The following MAP4K5 variants were observed in gnomAD, a reference collection of about 807,000 sequenced individuals.
MAP4K5 encodes the protein mitogen-activated protein kinase kinase kinase kinase 5, also known as MAPK/ERK kinase kinase kinase 5.
MAP4K5 carries 82 observed loss-of-function variants against 135.6 expected under a neutral mutation model. The ratio of observed to expected loss-of-function variants is 0.60; its 90% CI spans 0.51 to 0.73. The LOEUF (loss-of-function observed/expected upper bound fraction) is 0.73. MAP4K5 is among the 30% of genes least tolerant of loss of function. The pLI is 0.00. For synonymous variants in MAP4K5, 347 were observed against 335.0 expected, an observed-to-expected ratio of 1.04 and a Z score of -0.39; for missense variants, 907 against 1,010.9, an observed-to-expected ratio of 0.90 and a Z score of 1.39.
intron 14 of MAP4K5, chr14:50,449,173 C>T (rs367906145): frequency 1.6e-5 from 3 of 188,320 alleles, no homozygotes; most frequent in East Asian, 1.4e-4. Flanking sequence ...TGTTTTGAGA[C>T]GGTTTAAGCT....
At chr14:50,450,435 C>G (rs2036458163) in intron 14 of MAP4K5, 2 of 152,064 alleles carry the variant, frequency 1.3e-5, no homozygotes, top group Non-Finnish European at 2.9e-5. Context: ...CATATTTACC[C>G]TGACTTTCTG....
In MAP4K5 at chr14:50,460,988, T is replaced by C. The variant is rs141691680; in HGVS notation, c.936+1677A>G. Reference sequence around the variant, plus strand: ...AAATTATTTGGCCTAATACTTGGCATACATTGAGTACCCAATGAGTGCTAG... The same window carrying C: ...AAATTATTTGGCCTAATACTTGGCACACATTGAGTACCCAATGAGTGCTAG... On this transcript the variant is annotated intron_variant, in intron 13 of 32. Coordinates refer to ENST00000682126, the MANE Select transcript of MAP4K5 (RefSeq NM_006575.6). Among the ~76,000 whole-genome samples the C allele has an allele frequency of 1.2e-4, 19 of 152,326 alleles. 1 individual carries two copies. Among genetic ancestry groups the C allele is most frequent in the African/African-American group, 3.8e-4 (16 of 41,590 alleles).
intron 3 of MAP4K5, among the ~76,000 whole-genome samples, chr14:50,487,392 T>C (rs1224520507): frequency 6.6e-6 from 1 of 152,244 alleles, no homozygotes; most frequent in East Asian, 1.9e-4. Flanking sequence ...GGAACTTTTT[T>C]TAACAGTCAA....
intron 1 of MAP4K5, among the ~76,000 whole-genome samples, chr14:50,553,462 C>A (rs1268844137): frequency 6.6e-6 from 1 of 151,904 alleles, no homozygotes; most frequent in East Asian, 1.9e-4. Flanking sequence ...TAGATGTTGG[C>A]ATGGATGTGG....
chr14:50,484,671 C>T (rs1363102143), intron 5 of MAP4K5, among the ~76,000 whole-genome samples: 1 of 152,086 alleles, frequency 6.6e-6, no homozygotes, highest in African/African-American at 2.4e-5. Context: ...GCACAGTATT[C>T]CATATTACAG....
At chr14:50,445,706 A>C (rs2036332100) in intron 17 of MAP4K5, among the ~76,000 whole-genome samples, 1 of 152,112 alleles carries the variant, frequency 6.6e-6, no homozygotes, top group African/African-American at 2.4e-5. Context: ...AGTAGCTGGG[A>C]TTACAAGCAT....
At chr14:50,475,292 C>T in intron 8 of MAP4K5, 143 bp from the exon 9 acceptor site, 1 of 633,242 alleles carries the variant, frequency 1.6e-6, no homozygotes, top group East Asian at 2.8e-5. Context: ...TAAATCTCTT[C>T]TTGCTTAGTT....
chr14:50,512,221 A>G (rs2037945202), intron 2 of MAP4K5, among the ~76,000 whole-genome samples: 1 of 152,172 alleles, frequency 6.6e-6, no homozygotes, highest in Non-Finnish European at 1.5e-5. Flanking sequence ...AAAATTGTCT[A>G]TTAATTTAAA....
intron 3 of MAP4K5, 23 bp downstream of exon 3, chr14:50,504,777 G>T: frequency 1.3e-6 from 2 of 1,502,402 alleles, no homozygotes; most frequent in Non-Finnish European, 1.8e-6. Flanking sequence ...CTCAAAAATT[G>T]TCTTGAGGGT....
At chr14:50,498,747 A>C (rs1182214026) in intron 3 of MAP4K5, among the ~76,000 whole-genome samples, 2 of 152,206 alleles carry the variant, frequency 1.3e-5, no homozygotes. Flanking sequence ...CATTTACTTA[A>C]AAAAATTTTT....
rs892687342 is a variant in MAP4K5 at position 50,523,671 on chromosome 14, T to C, written c.108+8271A>G. 2.0e-5 allele frequency among the ~76,000 whole-genome samples: 3 copies of C among 152,114 alleles called. No homozygotes were observed. In the East Asian group the frequency reaches 5.8e-4, roughly 29 times the overall value. On this transcript the variant is annotated intron_variant, in intron 2 of 32. Transcript: ENST00000682126. The stretch of plus-strand genomic sequence containing the variant: ...CCTTTTCTTCTTTCTATACCTTTAA[T>C]CTCCTTGTAACGTATTATACAATGT...
intron 6 of MAP4K5, among the ~76,000 whole-genome samples, chr14:50,480,010 T>C (rs763955029): frequency 2.0e-5 from 3 of 151,318 alleles, no homozygotes. Context: ...TTTCATATAT[T>C]TTGCCTACTT....
At chr14:50,462,564 CTAAGT>C (rs202076633) in intron 13 of MAP4K5, 96 bp downstream of exon 13, 14,908 of 757,018 alleles carry the variant, frequency 0.02, 186 homozygotes, top group Middle Eastern at 0.032. Context: ...CCTGTTTTAA[CTAAGT>C]TAAAAGATAG....
At chr14:50,469,582 G>A (rs927536287) in intron 9 of MAP4K5, among the ~76,000 whole-genome samples, 11 of 152,162 alleles carry the variant, frequency 7.2e-5, no homozygotes, top group African/African-American at 1.4e-4. Context: ...AAATCAGTCA[G>A]GCAGATATGT....
intron 30 of MAP4K5, among the ~76,000 whole-genome samples, chr14:50,427,104 CAGG>C (rs1329808761): frequency 4.0e-5 from 6 of 151,730 alleles, no homozygotes; most frequent in Non-Finnish European, 8.8e-5. Flanking sequence ...TTTTTTTCCC[CAGG>C]AGGATTCCTG....
chr14:50,502,727 G>T (rs1555357791), intron 3 of MAP4K5, among the ~76,000 whole-genome samples: 1 of 151,936 alleles, frequency 6.6e-6, no homozygotes, highest in Non-Finnish European at 1.5e-5. Context: ...GTTGAAGTAG[G>T]AATAGAAAAA....
intron 2 of MAP4K5, among the ~76,000 whole-genome samples, chr14:50,521,427 A>G (rs1047333936): frequency 6.6e-6 from 1 of 152,220 alleles, no homozygotes; most frequent in African/African-American, 2.4e-5. Context: ...TGGAAAGAGC[A>G]GAGACTGGAA....
upstream of MAP4K5, chr14:50,533,388 C>CTCTT (rs2038447573): frequency 2.0e-5 from 3 of 151,764 alleles, no homozygotes; most frequent in Non-Finnish European, 4.4e-5. Flanking sequence ...GCATCTGACA[C>CTCTT]CCAGGAAAGT....
At chr14:50,456,295 A>G (rs1296745226) in intron 14 of MAP4K5, 7 of 497,848 alleles carry the variant, frequency 1.4e-5, no homozygotes, top group Admixed American at 7.5e-5. Flanking sequence ...ATTTTCAGCA[A>G]TGGGCATGAT....
Sources: gnomAD v4.1 joint callset for allele counts (sites outside exome capture counted in the v4.1 genomes callset) on GRCh38, gnomAD v4.1.1 for gene constraint, MANE v1.5 for transcripts, NCBI Gene and HGNC (gene_info 2026-07-23, HGNC 2026-07-21) for gene names.